The following ACMSD variants were observed in gnomAD, a reference collection of about 807,000 sequenced individuals.
ACMSD encodes 2-amino-3-carboxymuconate-6-semialdehyde decarboxylase.
ACMSD carries 37 observed loss-of-function variants against 45.9 expected under a neutral mutation model. That is an observed-to-expected ratio of 0.81 (90% CI 0.62 to 1.06). The LOEUF is 1.06. ACMSD is among the 50% of genes least tolerant of loss of function. The pLI, the probability that ACMSD is intolerant of heterozygous loss-of-function variation, is 0.00. For missense variants in ACMSD, 434 were observed against 420.9 expected (o/e 1.03, Z -0.27); for synonymous variants, 138 against 148.8 (o/e 0.93, Z 0.53).
chr2:134,853,077 C>T (rs1285492447), intron 2 of ACMSD, among the ~76,000 whole-genome samples: 1 of 149,268 alleles, frequency 6.7e-6, no homozygotes, highest in Non-Finnish European at 1.5e-5. Flanking sequence ...GTGGGAGAAT[C>T]ACTTGAACCC....
At chr2:134,876,038 C>T (rs537681489) in intron 8 of ACMSD, among the ~76,000 whole-genome samples, 32 of 152,178 alleles carry the variant, frequency 2.1e-4, no homozygotes, top group African/African-American at 7.7e-4. Context: ...TGTAGCGAAA[C>T]ATATCTAAAC....
intron 5 of ACMSD, among the ~76,000 whole-genome samples, chr2:134,865,395 T>C (rs1391911656): frequency 6.6e-6 from 1 of 152,194 alleles, no homozygotes; most frequent in African/African-American, 2.4e-5. Context: ...TAGCATTCAT[T>C]GGATTTGGGT....
chr2:134,855,093 CAT>C (rs1687519868), intron 2 of ACMSD, among the ~76,000 whole-genome samples: 1 of 152,074 alleles, frequency 6.6e-6, no homozygotes, highest in Non-Finnish European at 1.5e-5. Context: ...AATGAAAAGA[CAT>C]GTGTTCCTAT....
chr2:134,872,178 C>G (rs1304239506), intron 7 of ACMSD, among the ~76,000 whole-genome samples: 1 of 152,166 alleles, frequency 6.6e-6, no homozygotes, highest in South Asian at 2.1e-4. Flanking sequence ...AGGATGGTCT[C>G]GATCTCCAGA....
intron 8 of ACMSD, chr2:134,873,273 C>A (rs1688556167): frequency 6.6e-6 from 1 of 152,616 alleles, no homozygotes. Context: ...AAGAAAAAGT[C>A]TTTCCTCTGA....
chr2:134,866,623 T>C (rs992417153), intron 5 of ACMSD, among the ~76,000 whole-genome samples: 9 of 152,200 alleles, frequency 5.9e-5, no homozygotes, highest in African/African-American at 2.2e-4. Flanking sequence ...ACAAGTCACA[T>C]TGCATCAGCC....
In ACMSD at chr2:134,845,143, T is replaced by A. The variant is rs910818399; in HGVS notation, c.58-90T>A. The A allele has an allele frequency of 1.4e-5, 18 of 1,327,398 alleles. No individual in the cohort carries two copies. The African/African-American group carries it at 2.6e-4, about 19-fold the overall frequency. The allele number at this position is 1,327,398 out of a possible 1,614,324, so 82.2% of individuals were successfully genotyped here. On this transcript the variant is annotated intron_variant, in intron 1 of 9. Transcript: ENST00000356140. ...AAATGGGAAGGCAATGCTTGAAAGGTGGAGCTCAGGATCTTCTGCACTTAG... is the reference window on the plus strand; with the variant it reads ...AAATGGGAAGGCAATGCTTGAAAGGAGGAGCTCAGGATCTTCTGCACTTAG...
intron 8 of ACMSD, among the ~76,000 whole-genome samples, chr2:134,881,208 C>T (rs1358615187): frequency 7.2e-5 from 11 of 152,314 alleles, no homozygotes; most frequent in African/African-American, 2.6e-4. Context: ...GCCATGTTGG[C>T]CAGGCTGGTC....
Position 134,901,892 on chromosome 2 carries a change from G to C in ACMSD, c.*32G>C. The C allele has an allele frequency of 6.5e-7, 1 of 1,531,792 alleles. No individual in the cohort carries two copies. The highest frequency in any genetic ancestry group is 8.9e-7 in the Non-Finnish European group (1 of 1,122,752). 94.9% of individuals were successfully genotyped at this position (1,531,792 alleles called of 1,614,324 possible). A position where few individuals can be genotyped will look rare whatever the true frequency, so the allele number is the denominator to read the frequency against. The stretch of plus-strand genomic sequence containing the variant: ...TTACTACAAAGGCAAACTTTCAAAA[G>C]GATATCTCATTTTTGTTTCTAAATA... On this transcript the variant is annotated 3_prime_UTR_variant, in exon 10 of 10. Transcript: ENST00000356140.
chr2:134,867,649 A>G lies in ACMSD; in HGVS notation c.557A>G (p.Lys186Arg), dbSNP rs1688169042. 2 of 1,613,536 alleles carry G rather than the reference A, an allele frequency of 1.2e-6. No individual in the cohort carries two copies. The highest frequency in any genetic ancestry group is 1.7e-6 in the Non-Finnish European group (2 of 1,179,758). The change falls in exon 6 of 10, where the codon AAA becomes AGA. Residue 186 changes from lysine (K) to arginine (R), a missense_variant. Physicochemically the swap from Lys to Arg is conservative, Grantham distance 26. Transcript: ENST00000356140. The part of the protein sequence containing the change: ...WDMQMDGRMA[K>R]YWLPWLVGMP... ...ATGCAGATGGATGGACGAATGGCCAAATACTGGCTCCCTTGGCTTGTAGGT... is the reference window on the plus strand; with the variant it reads ...ATGCAGATGGATGGACGAATGGCCAGATACTGGCTCCCTTGGCTTGTAGGT...
intron 7 of ACMSD, among the ~76,000 whole-genome samples, chr2:134,872,242 C>G (rs1688492358): frequency 6.6e-6 from 1 of 152,156 alleles, no homozygotes; most frequent in Non-Finnish European, 1.5e-5. Context: ...TAGGTGTGAG[C>G]CATTGTGCCT....
chr2:134,878,437 C>T (rs1048585221), intron 8 of ACMSD, among the ~76,000 whole-genome samples: 7 of 152,200 alleles, frequency 4.6e-5, no homozygotes, highest in Admixed American at 1.3e-4. Flanking sequence ...AGGGATCCTC[C>T]AGCCTCAGTC....
At chr2:134,885,208 C>CAT (rs1559064293) in intron 8 of ACMSD, among the ~76,000 whole-genome samples, 1 of 125,470 alleles carries the variant, frequency 8.0e-6, no homozygotes, top group African/African-American at 3.1e-5. Flanking sequence ...AAAATATATA[C>CAT]ATATATATAT....
chr2:134,896,474 G>T (rs1690158429), intron 8 of ACMSD, among the ~76,000 whole-genome samples: 1 of 152,130 alleles, frequency 6.6e-6, no homozygotes, highest in Non-Finnish European at 1.5e-5. Flanking sequence ...TAACAAAATG[G>T]ACATGAATGT....
intron 2 of ACMSD, among the ~76,000 whole-genome samples, chr2:134,856,711 T>C (rs1245140277): frequency 6.6e-6 from 1 of 152,216 alleles, no homozygotes; most frequent in African/African-American, 2.4e-5. Flanking sequence ...TTGAGTTCCT[T>C]ATATAGTTTG....
chr2:134,847,454 A>G (rs1300445787), intron 2 of ACMSD, among the ~76,000 whole-genome samples: 2 of 151,168 alleles, frequency 1.3e-5, no homozygotes, highest in African/African-American at 4.9e-5. Context: ...ATAGATATAG[A>G]TAGAGATAGA....
At chr2:134,877,826 C>T (rs975877703) in intron 8 of ACMSD, among the ~76,000 whole-genome samples, 11 of 152,082 alleles carry the variant, frequency 7.2e-5, no homozygotes, top group African/African-American at 1.9e-4. Flanking sequence ...ATTAGAAGCA[C>T]GTCATTTAAT....
Position 134,887,521 on chromosome 2 carries a change from A to G in ACMSD, c.850-10820A>G, listed in dbSNP as rs191473089. ...CAGGTTCAAGTGATTCTCCTGCCTC[A>G]GCCTCCCAAGTAGCTGGGATTACAG... is the stretch of plus-strand genomic sequence containing the variant. On this transcript the variant is annotated intron_variant, in intron 8 of 9. Transcript: ENST00000356140. 1.6e-3 allele frequency among the ~76,000 whole-genome samples: 239 copies of G among 152,278 alleles called. 1 individual carries two copies. The highest frequency in any genetic ancestry group is 4.6e-3 in the Admixed American group (71 of 15,296).
At chr2:134,894,982 T>C (rs1034632762) in intron 8 of ACMSD, among the ~76,000 whole-genome samples, 6 of 152,092 alleles carry the variant, frequency 3.9e-5, no homozygotes, top group Admixed American at 2.6e-4. Flanking sequence ...CCATTTATAA[T>C]AGCATCAGCA....
Sources: gnomAD v4.1 joint callset for allele counts (sites outside exome capture counted in the v4.1 genomes callset) on GRCh38, gnomAD v4.1.1 for gene constraint, MANE v1.5 for transcripts, NCBI Gene and HGNC (gene_info 2026-07-23, HGNC 2026-07-21) for gene names.